The following BABAM2 variants were observed in gnomAD, a reference collection of about 807,000 sequenced individuals.
BABAM2 encodes the protein BRISC and BRCA1-A complex member 2.
Under a neutral mutation model 54.7 loss-of-function variants are expected in BABAM2, and 31 were observed. The observed-to-expected ratio is 0.57, with a 90% CI of 0.43 to 0.77. BABAM2 has a LOEUF of 0.77. BABAM2 is among the 30% of genes least tolerant of loss of function. The pLI is 0.00. For synonymous variants in BABAM2, 167 were observed against 162.9 expected (o/e 1.03, Z -0.19); for missense variants, 364 against 455.8 (o/e 0.80, Z 1.83).
intron 5 of BABAM2, among the ~76,000 whole-genome samples, chr2:28,042,076 A>G (rs1573457323): frequency 6.6e-6 from 1 of 152,204 alleles, no homozygotes; most frequent in African/African-American, 2.4e-5. Flanking sequence ...TTTTGCCGCC[A>G]CTTTGAATGT....
At chr2:28,180,192 C>A (rs192307474) in intron 7 of BABAM2, among the ~76,000 whole-genome samples, 1 of 152,102 alleles carries the variant, frequency 6.6e-6, no homozygotes, top group East Asian at 1.9e-4. Flanking sequence ...AAGCTGAAGG[C>A]ATCACACTAC....
At chr2:28,029,796 A>C (rs529519590) in intron 5 of BABAM2, among the ~76,000 whole-genome samples, 65 of 152,324 alleles carry the variant, frequency 4.3e-4, no homozygotes, top group African/African-American at 1.5e-3. Flanking sequence ...TAAGGGCTGC[A>C]CTATTTTACA....
chr2:28,141,177 G>A (rs536014992), intron 7 of BABAM2, among the ~76,000 whole-genome samples: 5 of 151,906 alleles, frequency 3.3e-5, no homozygotes, highest in Admixed American at 6.6e-5. Context: ...ATAAATATTC[G>A]GTTCATAACA....
intron 3 of BABAM2, chr2:27,930,194 C>T (rs1312880053): frequency 2.4e-5 from 7 of 290,738 alleles, no homozygotes; most frequent in African/African-American, 6.7e-5. Context: ...TTACGTAATA[C>T]TCAATAAAGA....
chr2:27,930,085 G>T, intron 3 of BABAM2, 177 bp downstream of exon 3: 1 of 580,668 alleles, frequency 1.7e-6, no homozygotes, highest in East Asian at 3.0e-5. Context: ...TAAGGCAGTT[G>T]GCAGGGAATA....
chr2:28,208,881 A>C (rs1324467833), intron 7 of BABAM2, among the ~76,000 whole-genome samples: 1 of 152,104 alleles, frequency 6.6e-6, no homozygotes, highest in Non-Finnish European at 1.5e-5. Flanking sequence ...CTGGTGAACA[A>C]TTGTAGGATT....
intron 5 of BABAM2, among the ~76,000 whole-genome samples, chr2:28,036,411 A>G (rs1676664361): frequency 6.6e-6 from 1 of 152,166 alleles, no homozygotes; most frequent in Non-Finnish European, 1.5e-5. Flanking sequence ...TAACTTATTT[A>G]CTTCAAAGAA....
intron 4 of BABAM2, among the ~76,000 whole-genome samples, chr2:27,999,007 A>G (rs1422535133): frequency 6.6e-6 from 1 of 152,182 alleles, no homozygotes; most frequent in African/African-American, 2.4e-5. Flanking sequence ...AGTACAGTAT[A>G]TTATCATAGC....
intron 10 of BABAM2, among the ~76,000 whole-genome samples, chr2:28,257,670 G>T (rs1385902814): frequency 6.6e-6 from 1 of 152,134 alleles, no homozygotes; most frequent in Non-Finnish European, 1.5e-5. Flanking sequence ...GATTACTTGA[G>T]GCCAGGAGTT....
chr2:27,892,703 T>G (rs190530207), intron 1 of BABAM2, among the ~76,000 whole-genome samples: 4 of 152,316 alleles, frequency 2.6e-5, no homozygotes, highest in African/African-American at 9.6e-5. Flanking sequence ...TGCAGTAATA[T>G]ATATGGACGC....
intron 7 of BABAM2, among the ~76,000 whole-genome samples, chr2:28,193,181 CAA>C (rs1677130879): frequency 6.6e-6 from 1 of 152,002 alleles, no homozygotes; most frequent in African/African-American, 2.4e-5. Context: ...AAAAAAGAAA[CAA>C]AGAAATAGTT....
At chr2:28,277,048 A>G (rs1685937770) in intron 10 of BABAM2, among the ~76,000 whole-genome samples, 1 of 152,096 alleles carries the variant, frequency 6.6e-6, no homozygotes, top group African/African-American at 2.4e-5. Context: ...CTCCCTCGTC[A>G]CTGACACACA....
chr2:28,249,087 G>GTTTT (rs367887351), intron 10 of BABAM2, among the ~76,000 whole-genome samples: 27 of 129,588 alleles, frequency 2.1e-4, no homozygotes, highest in African/African-American at 7.3e-4. Context: ...TTGTTTGCTT[G>GTTTT]TTTTTTTTTT....
At chr2:28,128,435 G>A (rs1419234853) in intron 6 of BABAM2, among the ~76,000 whole-genome samples, 1 of 152,172 alleles carries the variant, frequency 6.6e-6, no homozygotes, top group African/African-American at 2.4e-5. Flanking sequence ...CAGACACTTG[G>A]TGCTTGGCAA....
intron 6 of BABAM2, among the ~76,000 whole-genome samples, chr2:28,051,935 C>T (rs1036808508): frequency 6.6e-6 from 1 of 152,108 alleles, no homozygotes; most frequent in Admixed American, 6.5e-5. Flanking sequence ...CAGGCATGAG[C>T]CACCATGCCT....
intron 7 of BABAM2, among the ~76,000 whole-genome samples, chr2:28,157,664 T>G (rs1383955716): frequency 1.3e-5 from 2 of 152,158 alleles, no homozygotes; most frequent in Non-Finnish European, 2.9e-5. Context: ...TGGAGTGGAG[T>G]GCAATGGCGC....
At chr2:28,016,289 A>AT (rs1457183858) in intron 4 of BABAM2, 7 of 969,480 alleles carry the variant, frequency 7.2e-6, no homozygotes, top group South Asian at 2.7e-5. Flanking sequence ...GTTCTCATTC[A>AT]TTTTTTCTTC....
chr2:28,168,041 C>T (rs956984898), intron 7 of BABAM2, among the ~76,000 whole-genome samples: 5 of 152,100 alleles, frequency 3.3e-5, no homozygotes, highest in African/African-American at 9.7e-5. Flanking sequence ...AGAGAGTTTT[C>T]GCTAATACCT....
chr2:27,945,916 AT>A (rs1573232812), intron 3 of BABAM2, among the ~76,000 whole-genome samples: 4 of 151,886 alleles, frequency 2.6e-5, no homozygotes, highest in African/African-American at 7.3e-5. Flanking sequence ...AATTCTAATA[AT>A]TTTTTTGTAG....
Sources: allele counts gnomAD v4.1 joint callset (sites outside exome capture counted in the v4.1 genomes callset), GRCh38; gene constraint gnomAD v4.1.1; transcripts MANE v1.5; gene names NCBI Gene and HGNC (gene_info 2026-07-23, HGNC 2026-07-21).